Variants in SORCS1 observed in about 807,000 individuals in gnomAD.
The protein encoded by SORCS1 is sortilin related VPS10 domain containing receptor 1.
A neutral mutation model predicts 146.1 loss-of-function variants in SORCS1; 60 were observed. That is an observed-to-expected ratio of 0.41 (90% CI 0.33 to 0.51). SORCS1 has a LOEUF of 0.51. SORCS1 is among the 20% of genes least tolerant of loss of function. SORCS1 has a pLI of 0.21. For synonymous variants in SORCS1, 637 were observed against 584.0 expected, an observed-to-expected ratio of 1.09 and a Z score of -1.31; for missense variants, 1,352 against 1,487.6, an observed-to-expected ratio of 0.91 and a Z score of 1.50.
rs184485870 is a variant in SORCS1, at chr10:106,669,427, T to A, written c.2190-1625A>T. The stretch of plus-strand genomic sequence containing the variant: ...TTTGCCTCCTGCTAAAGAATGGCTG[T>A]TTCTTAAGGCAAAAGCTAAACCACT... On this transcript the variant is annotated intron_variant, in intron 16 of 25. Coordinates refer to ENST00000263054, the MANE Select transcript of SORCS1 (RefSeq NM_052918.5). Among the ~76,000 whole-genome samples, 944 of 152,236 alleles carry A rather than the reference T, an allele frequency of 6.2e-3. 13 individuals carry two copies. Among genetic ancestry groups the A allele is most frequent in the African/African-American group, 0.021 (890 of 41,544 alleles).
intron 1 of SORCS1, among the ~76,000 whole-genome samples, chr10:106,998,301 T>C (rs1957081711): frequency 6.6e-6 from 1 of 152,226 alleles, no homozygotes; most frequent in Admixed American, 6.5e-5. Flanking sequence ...ATAACAGCAC[T>C]CATACAGCTG....
intron 2 of SORCS1, among the ~76,000 whole-genome samples, chr10:106,881,161 A>G (rs1950793571): frequency 6.6e-6 from 1 of 151,642 alleles, no homozygotes; most frequent in Admixed American, 6.6e-5. Flanking sequence ...CAGAGAGGTT[A>G]TGCGGTCCAG....
chr10:106,584,418 G>A (rs947575205), intron 24 of SORCS1, among the ~76,000 whole-genome samples: 4 of 152,294 alleles, frequency 2.6e-5, no homozygotes, highest in South Asian at 2.1e-4. Context: ...CAGCTCTGGC[G>A]TCCTGGGTTC....
At chr10:106,928,331 G>A (rs562601519) in intron 2 of SORCS1, among the ~76,000 whole-genome samples, 4 of 152,336 alleles carry the variant, frequency 2.6e-5, no homozygotes, top group African/African-American at 7.2e-5. Context: ...TACACCCTCC[G>A]CAGCCGCTGG....
chr10:107,142,158 A>G (rs184656510), intron 1 of SORCS1, among the ~76,000 whole-genome samples: 1 of 152,300 alleles, frequency 6.6e-6, no homozygotes, highest in East Asian at 1.9e-4. Context: ...CCCAGGGGCC[A>G]TTCTCCATTT....
At chr10:107,139,549 A>T (rs1406907446) in intron 1 of SORCS1, among the ~76,000 whole-genome samples, 1 of 152,188 alleles carries the variant, frequency 6.6e-6, no homozygotes, top group African/African-American at 2.4e-5. Context: ...GGAAAGACAG[A>T]GGGGAAAAAA....
chr10:106,643,797 A>T (rs1849228846), intron 18 of SORCS1, among the ~76,000 whole-genome samples: 1 of 152,248 alleles, frequency 6.6e-6, no homozygotes, highest in Non-Finnish European at 1.5e-5. Flanking sequence ...GCAGAGTTGA[A>T]CAGATGAGAA....
intron 1 of SORCS1, among the ~76,000 whole-genome samples, chr10:106,965,464 T>C (rs758637801): frequency 3.9e-5 from 6 of 152,266 alleles, no homozygotes; most frequent in Non-Finnish European, 8.8e-5. Context: ...GGCTGCTGAG[T>C]AGCAAATACT....
chr10:106,608,585 C>T (rs754195649), intron 22 of SORCS1, among the ~76,000 whole-genome samples: 6 of 152,132 alleles, frequency 3.9e-5, no homozygotes, highest in South Asian at 2.1e-4. Context: ...CCTCCAACAA[C>T]GTTACTATTA....
intron 2 of SORCS1, among the ~76,000 whole-genome samples, chr10:106,870,346 C>T (rs772887255): frequency 3.9e-5 from 6 of 152,184 alleles, no homozygotes; most frequent in South Asian, 2.1e-4. Flanking sequence ...TTTTAAAATT[C>T]ATATGGAATC....
intron 1 of SORCS1, among the ~76,000 whole-genome samples, chr10:107,003,351 A>G (rs1330982092): frequency 6.6e-6 from 1 of 152,110 alleles, no homozygotes; most frequent in African/African-American, 2.4e-5. Context: ...GGGTAGCAAT[A>G]TAAGAATATT....
chr10:106,824,758 C>T (rs1948215922), intron 3 of SORCS1, among the ~76,000 whole-genome samples: 1 of 152,048 alleles, frequency 6.6e-6, no homozygotes, highest in Admixed American at 6.5e-5. Context: ...GGAGAAAACA[C>T]AGTGTTTAAT....
At chr10:106,820,181 C>A (rs892938035) in intron 3 of SORCS1, among the ~76,000 whole-genome samples, 1 of 152,274 alleles carries the variant, frequency 6.6e-6, no homozygotes, top group South Asian at 2.1e-4. Context: ...TCAATCAAGG[C>A]AACACTTAGT....
rs746920336 is a variant in SORCS1, at chr10:106,709,345, A to T, written c.1025-4T>A. 3 of 1,504,670 alleles carry T rather than the reference A, an allele frequency of 2.0e-6. No individual in the cohort carries two copies. Among genetic ancestry groups the T allele is most frequent in the Non-Finnish European group, 2.8e-6 (3 of 1,081,318 alleles). The allele number at this position is 1,504,670 out of a possible 1,614,324, so 93.2% of individuals were successfully genotyped here. ...CGGCAAGTTAGATAATGTGAATCTGAAAAACAAAAACAAAAACAAAAACAT... is the reference window on the plus strand; with the variant it reads ...CGGCAAGTTAGATAATGTGAATCTGTAAAACAAAAACAAAAACAAAAACAT... On this transcript the variant is annotated splice_region_variant and splice_polypyrimidine_tract_variant and intron_variant, in intron 6 of 25. Coordinates refer to ENST00000263054, the MANE Select transcript of SORCS1 (RefSeq NM_052918.5).
At chr10:107,033,053 G>A (rs531329403) in intron 1 of SORCS1, among the ~76,000 whole-genome samples, 170 of 152,260 alleles carry the variant, frequency 1.1e-3, no homozygotes, top group African/African-American at 4.0e-3. Context: ...AAGAAAAGAG[G>A]CTTCATTGAC....
intron 17 of SORCS1, among the ~76,000 whole-genome samples, chr10:106,665,583 T>C (rs930516324): frequency 6.6e-6 from 1 of 152,128 alleles, no homozygotes; most frequent in Non-Finnish European, 1.5e-5. Flanking sequence ...ATGTAATAAA[T>C]TCCCATGTAC....
intron 22 of SORCS1, among the ~76,000 whole-genome samples, chr10:106,608,591 T>C (rs1326586747): frequency 6.6e-6 from 1 of 152,228 alleles, no homozygotes; most frequent in Non-Finnish European, 1.5e-5. Flanking sequence ...ACAACGTTAC[T>C]ATTATAAGTA....
chr10:106,918,248 C>T (rs1344323146), intron 2 of SORCS1, among the ~76,000 whole-genome samples: 10 of 152,252 alleles, frequency 6.6e-5, no homozygotes, highest in African/African-American at 2.4e-4. Flanking sequence ...GCAAGCTCTG[C>T]CTCCCTGGTT....
At chr10:107,088,702 G>C (rs949217749) in intron 1 of SORCS1, among the ~76,000 whole-genome samples, 2 of 152,126 alleles carry the variant, frequency 1.3e-5, no homozygotes, top group African/African-American at 4.8e-5. Context: ...AACCAAAGTG[G>C]GACAGTTAGC....
Sources: allele counts gnomAD v4.1 joint callset (sites outside exome capture counted in the v4.1 genomes callset), GRCh38; gene constraint gnomAD v4.1.1; transcripts MANE v1.5; gene names NCBI Gene and HGNC (gene_info 2026-07-23, HGNC 2026-07-21).